ZMIZ1: variants seen among roughly 807,000 people sequenced by gnomAD.
The protein encoded by ZMIZ1 is zinc finger MIZ-type containing 1.
In ZMIZ1, 17 loss-of-function variants were observed where a neutral mutation model predicts 113.9. The observed-to-expected ratio is 0.15, with a 90% CI of 0.10 to 0.22. The LOEUF is 0.22. Among genes scored for constraint, ZMIZ1 ranks in the 10% least tolerant of loss-of-function variants. The probability of loss-of-function intolerance (pLI) is 1.00; values close to 1 mark genes in which losing one functional copy is unlikely to be tolerated. For missense variants in ZMIZ1, 1,059 were observed against 1,477.8 expected, an observed-to-expected ratio of 0.72 and a Z score of 4.65; for synonymous variants, 607 against 603.1, an observed-to-expected ratio of 1.01 and a Z score of -0.09.
chr10:79,307,339 G>A (rs1417569363), intron 22 of ZMIZ1, 66 bp from the exon 23 acceptor site: 4 of 1,504,794 alleles, frequency 2.7e-6, no homozygotes, highest in Non-Finnish European at 3.7e-6. Flanking sequence ...CACACTCTCT[G>A]TTCCCTGGGG....
intron 4 of ZMIZ1, among the ~76,000 whole-genome samples, chr10:79,165,964 G>GCGCGCGCA (rs1554860929): frequency 2.0e-4 from 28 of 142,176 alleles, no homozygotes; most frequent in African/African-American, 3.3e-4. Flanking sequence ...GTGTGTGTGT[G>GCGCGCGCA]TGTGTGTGTG....
intron 7 of ZMIZ1, among the ~76,000 whole-genome samples, chr10:79,254,233 G>C (rs1267506063): frequency 6.6e-6 from 1 of 152,216 alleles, no homozygotes; most frequent in Non-Finnish European, 1.5e-5. Flanking sequence ...CACATCTCAG[G>C]GTGGCCTGTT....
chr10:79,105,826 G>A (rs542266515), intron 1 of ZMIZ1, among the ~76,000 whole-genome samples: 3 of 152,326 alleles, frequency 2.0e-5, no homozygotes, highest in East Asian at 1.9e-4. Context: ...TGGCAGTTTC[G>A]ATGGCAGAAG....
intron 1 of ZMIZ1, among the ~76,000 whole-genome samples, chr10:79,094,491 C>A (rs1449070682): frequency 6.6e-6 from 1 of 152,228 alleles, no homozygotes; most frequent in East Asian, 1.9e-4. Context: ...GATTCCTTGG[C>A]CATGAAATGG....
In ZMIZ1 at chr10:79,300,010, A is replaced by G. The variant is rs1226695408; in HGVS notation, c.1809-722A>G. On this transcript the variant is annotated intron_variant, in intron 16 of 24. Transcript: ENST00000334512. ...AGCTGGGTCTGTGCCTGGCACATGCACACACACCCCTGCTGTTTTCTTGAC... is the reference window on the plus strand; with the variant it reads ...AGCTGGGTCTGTGCCTGGCACATGCGCACACACCCCTGCTGTTTTCTTGAC... Among the ~76,000 whole-genome samples the G allele has an allele frequency of 2.6e-5, 4 of 151,644 alleles. No individual in the cohort carries two copies. The East Asian group carries it at 7.7e-4, about 29-fold the overall frequency.
chr10:79,258,179 C>T (rs977693095), intron 7 of ZMIZ1, among the ~76,000 whole-genome samples: 3 of 152,114 alleles, frequency 2.0e-5, no homozygotes, highest in Non-Finnish European at 2.9e-5. Flanking sequence ...CCCAAGAGTT[C>T]GAGATCAGCT....
chr10:79,090,840 G>C (rs1842964483), intron 1 of ZMIZ1, among the ~76,000 whole-genome samples: 1 of 152,240 alleles, frequency 6.6e-6, no homozygotes, highest in African/African-American at 2.4e-5. Flanking sequence ...TGCCCAGCTG[G>C]GCCATGCCGG....
intron 23 of ZMIZ1, among the ~76,000 whole-genome samples, chr10:79,308,085 G>A (rs117120089): frequency 0.022 from 3,426 of 152,332 alleles, 61 homozygotes; most frequent in Middle Eastern, 0.048. Context: ...CATATGCCCT[G>A]TGTGGCTGAG....
chr10:79,208,203 C>T (rs919721517), intron 5 of ZMIZ1, 133 bp from the exon 6 acceptor site: 24 of 677,992 alleles, frequency 3.5e-5, no homozygotes, highest in Non-Finnish European at 5.4e-5. Flanking sequence ...TTACTGATCC[C>T]AGCTACCCCT....
chr10:79,147,886 T>C (rs2132439652), intron 3 of ZMIZ1, among the ~76,000 whole-genome samples: 1 of 152,318 alleles, frequency 6.6e-6, no homozygotes, highest in East Asian at 1.9e-4. Context: ...ACAGAGGCCC[T>C]GGGCTCGGAC....
intron 8 of ZMIZ1, 102 bp downstream of exon 8, chr10:79,277,427 G>A: frequency 1.4e-6 from 2 of 1,389,262 alleles, no homozygotes; most frequent in South Asian, 1.6e-5. Flanking sequence ...GTGCAACCAT[G>A]AGGATGTTGC....
intron 7 of ZMIZ1, among the ~76,000 whole-genome samples, chr10:79,228,705 A>T (rs1359185388): frequency 6.6e-6 from 1 of 152,118 alleles, no homozygotes; most frequent in African/African-American, 2.4e-5. Flanking sequence ...CCTTGCCTCC[A>T]CCATTTCAGT....
intron 3 of ZMIZ1, among the ~76,000 whole-genome samples, chr10:79,158,375 G>C (rs1373415499): frequency 6.6e-6 from 1 of 152,208 alleles, no homozygotes; most frequent in African/African-American, 2.4e-5. Context: ...AGCCAATGGA[G>C]GGCGGTCGGC....
intron 7 of ZMIZ1, among the ~76,000 whole-genome samples, chr10:79,273,345 C>A (rs1212649378): frequency 1.4e-5 from 2 of 144,166 alleles, no homozygotes; most frequent in Non-Finnish European, 3.0e-5. Flanking sequence ...TTCTTGGTTT[C>A]TTTTTTCTTT....
intron 7 of ZMIZ1, among the ~76,000 whole-genome samples, chr10:79,223,189 C>CT (rs1264347588): frequency 6.6e-6 from 1 of 152,260 alleles, no homozygotes; most frequent in Admixed American, 6.5e-5. Context: ...AGCTGTCTCT[C>CT]TAAGACAAAG....
intron 7 of ZMIZ1, among the ~76,000 whole-genome samples, chr10:79,275,028 G>T (rs1001247700): frequency 6.6e-6 from 1 of 152,252 alleles, no homozygotes; most frequent in Non-Finnish European, 1.5e-5. Flanking sequence ...TGATCCCTCC[G>T]TCACTGCGAT....
chr10:79,225,643 A>G (rs879593733), intron 7 of ZMIZ1, among the ~76,000 whole-genome samples: 1 of 152,202 alleles, frequency 6.6e-6, no homozygotes, highest in African/African-American at 2.4e-5. Flanking sequence ...AGTGAGCACC[A>G]AACTACTGAG....
At chr10:79,263,263 C>G (rs977365676) in intron 7 of ZMIZ1, among the ~76,000 whole-genome samples, 15 of 152,220 alleles carry the variant, frequency 9.9e-5, no homozygotes, top group Non-Finnish European at 1.9e-4. Flanking sequence ...CTCAGGTGCA[C>G]TAGCTCAGAG....
intron 7 of ZMIZ1, among the ~76,000 whole-genome samples, chr10:79,257,556 A>T (rs1048220876): frequency 1.3e-5 from 2 of 152,204 alleles, no homozygotes; most frequent in African/African-American, 4.8e-5. Context: ...TGTGCCTGGC[A>T]TTGGGAGGTG....
Sources: allele counts gnomAD v4.1 joint callset (sites outside exome capture counted in the v4.1 genomes callset), GRCh38; gene constraint gnomAD v4.1.1; transcripts MANE v1.5; gene names NCBI Gene and HGNC (gene_info 2026-07-23, HGNC 2026-07-21).